The following TGFBI variants were observed in gnomAD, a reference collection of about 807,000 sequenced individuals.
The protein encoded by TGFBI is transforming growth factor-beta-induced protein ig-h3.
Under a neutral mutation model 73.7 loss-of-function variants are expected in TGFBI, and 50 were observed. The ratio of observed to expected loss-of-function variants is 0.68; its 90% CI spans 0.54 to 0.86. The LOEUF (loss-of-function observed/expected upper bound fraction) is 0.86, where lower values mean the gene tolerates loss of function less well. Ranked by LOEUF, TGFBI falls within the 40% of genes least tolerant of loss-of-function variation. TGFBI has a pLI of 0.00. For missense variants in TGFBI, 839 were observed against 877.0 expected (o/e 0.96, Z 0.55); for synonymous variants, 362 against 360.5 (o/e 1.00, Z -0.05).
At chr5:136,056,601 C>A (rs1018425770) in intron 11 of TGFBI, 64 bp from the exon 12 acceptor site, 5 of 1,604,478 alleles carry the variant, frequency 3.1e-6, no homozygotes, top group Non-Finnish European at 4.3e-6. Flanking sequence ...TACCTCTCAG[C>A]GTGGTGAGGT....
At chr5:136,039,853 C>A (rs1478009771) in intron 2 of TGFBI, among the ~76,000 whole-genome samples, 1 of 152,166 alleles carries the variant, frequency 6.6e-6, no homozygotes, top group Non-Finnish European at 1.5e-5. Context: ...TTTCCAAGAC[C>A]AGGAGGGCAG....
rs555953015 is a variant in TGFBI, at chr5:136,054,010, C to T, written c.1194C>T (p.Ala398=). The change falls in exon 9 of 17, where the codon GCC becomes GCT. Residue 398 remains alanine (A), a synonymous_variant. Transcript: ENST00000442011. Reference sequence around the variant, plus strand: ...CAGCCATTGACCTTTTCAGACAAGCCGGCCTCGGCAATCATCTCTCTGGAA... The same window carrying T: ...CAGCCATTGACCTTTTCAGACAAGCTGGCCTCGGCAATCATCTCTCTGGAA... The part of the protein sequence containing the change: ...VSTAIDLFRQ[A]GLGNHLSGSE... 1.9e-5 allele frequency: 30 copies of T among 1,614,030 alleles called. No homozygotes were observed. The highest frequency in any genetic ancestry group is 9.3e-5 in the African/African-American group (7 of 75,060).
intron 1 of TGFBI, among the ~76,000 whole-genome samples, chr5:136,031,818 A>G (rs1001692134): frequency 2.0e-5 from 3 of 152,114 alleles, no homozygotes; most frequent in African/African-American, 7.2e-5. Flanking sequence ...TGAACTTCCT[A>G]TGTACACAGC....
chr5:136,036,885 G>A (rs900861619), intron 2 of TGFBI, among the ~76,000 whole-genome samples: 3 of 152,158 alleles, frequency 2.0e-5, no homozygotes, highest in Non-Finnish European at 4.4e-5. Context: ...TCATGGGGGA[G>A]GAGGCAGCTC....
At chr5:136,044,246 CCCCACGTG>C in intron 3 of TGFBI, 124 bp downstream of exon 3, 1 of 799,594 alleles carries the variant, frequency 1.3e-6, no homozygotes, top group Non-Finnish European at 2.1e-6. Flanking sequence ...ATGGCATTCT[CCCCACGTG>C]CCCACTGGCC....
intron 7 of TGFBI, among the ~76,000 whole-genome samples, chr5:136,051,731 A>C (rs773412039): frequency 3.3e-5 from 5 of 152,060 alleles, no homozygotes; most frequent in Non-Finnish European, 7.4e-5. Flanking sequence ...GGCCCTGCTC[A>C]CCCTCCAAGT....
At chr5:136,049,647 G>T (rs1751498500) in intron 7 of TGFBI, 67 bp downstream of exon 7, 1 of 1,542,134 alleles carries the variant, frequency 6.5e-7, no homozygotes, top group African/African-American at 1.4e-5. Context: ...GACCTGCTCT[G>T]GTCCAAGATG....
At chr5:136,031,630 G>A (rs1209101009) in intron 1 of TGFBI, among the ~76,000 whole-genome samples, 2 of 152,156 alleles carry the variant, frequency 1.3e-5, no homozygotes, top group Non-Finnish European at 2.9e-5. Flanking sequence ...TGTTGCTATA[G>A]GGAAGGGGAA....
Position 136,063,417 on chromosome 5 carries a change from C to A in TGFBI, c.*191C>A. On this transcript the variant is annotated 3_prime_UTR_variant, in exon 17 of 17. Coordinates refer to ENST00000442011, the MANE Select transcript of TGFBI (RefSeq NM_000358.3). The stretch of plus-strand genomic sequence containing the variant: ...GAGATGTACTTTTTAAATCATGTTC[C>A]CCCTAAACATGGCTGTTAACCCACT... The A allele has an allele frequency of 1.7e-6, 1 of 594,444 alleles. No individual in the cohort carries two copies. The highest frequency in any genetic ancestry group is 3.0e-6 in the Non-Finnish European group (1 of 333,858). 36.8% of individuals were successfully genotyped at this position (594,444 alleles called of 1,614,324 possible).
At chr5:136,032,293 TC>T (rs1751134859) in intron 1 of TGFBI, among the ~76,000 whole-genome samples, 1 of 152,148 alleles carries the variant, frequency 6.6e-6, no homozygotes. Flanking sequence ...ATGCTCATTG[TC>T]CCTCCTGGGC....
At chr5:136,047,044 C>T (rs921696210) in intron 5 of TGFBI, 29 bp downstream of exon 5, 2 of 1,606,724 alleles carry the variant, frequency 1.2e-6, no homozygotes, top group African/African-American at 1.3e-5. Context: ...TACTGCATGG[C>T]CCTTGGTGCA....
chr5:136,056,111 A>G (rs2126914968), intron 11 of TGFBI, among the ~76,000 whole-genome samples: 1 of 152,288 alleles, frequency 6.6e-6, no homozygotes, highest in Non-Finnish European at 1.5e-5. Flanking sequence ...TCTCATTGTA[A>G]AGCTCCAAGT....
At position 136,060,934 on chromosome 5, in the gene TGFBI, CAG is replaced by C. The variant is rs1351859361; in HGVS notation, c.1905_1906del (p.Ala636GlnfsTer9). 3 of 1,565,244 alleles carry C rather than the reference CAG, an allele frequency of 1.9e-6. No individual in the cohort carries two copies. The highest frequency in any genetic ancestry group is 2.6e-6 in the Non-Finnish European group (3 of 1,149,300). The stretch of plus-strand genomic sequence containing the variant: ...GTCATCACCAATGTTCTGCAGCCTC[CAG>C]GTAAGTGTCGCATCCCCACTGACTC... On this transcript the variant is annotated frameshift_variant and splice_region_variant, in exon 14 of 17. Coordinates refer to ENST00000442011, the MANE Select transcript of TGFBI (RefSeq NM_000358.3). LOFTEE classifies it high-confidence loss of function.
chr5:136,030,773 G>T (rs1283823586), intron 1 of TGFBI, among the ~76,000 whole-genome samples: 1 of 152,126 alleles, frequency 6.6e-6, no homozygotes, highest in Non-Finnish European at 1.5e-5. Flanking sequence ...GCCTAGGAGG[G>T]TTCTATTTCT....
rs756136153 is a variant in TGFBI at position 136,056,714 on chromosome 5, C to A, written c.1597C>A (p.Arg533=). The part of the protein sequence containing the change: ...QSAGLTETLN[R]EGVYTVFAPT... Reference sequence around the variant, plus strand: ...TGCAGGACTGACGGAGACCCTCAACCGGGAAGGAGTCTACACAGTCTTTGC... The same window carrying A: ...TGCAGGACTGACGGAGACCCTCAACAGGGAAGGAGTCTACACAGTCTTTGC... Residue 533 remains arginine, a synonymous_variant, in exon 12 of 17, where the codon CGG becomes AGG. Coordinates refer to ENST00000442011, the MANE Select transcript of TGFBI (RefSeq NM_000358.3). 1.9e-6 allele frequency: 3 copies of A among 1,613,836 alleles called. No homozygotes were observed. Among genetic ancestry groups the A allele is most frequent in the Non-Finnish European group, 2.5e-6 (3 of 1,179,866 alleles).
At chr5:136,046,253 C>T (rs1013537294) in intron 3 of TGFBI, 82 bp from the exon 4 acceptor site, 9 of 1,538,258 alleles carry the variant, frequency 5.9e-6, no homozygotes, top group African/African-American at 1.4e-5. Context: ...GTAGATGTAC[C>T]GTGCTCTCTG....
intron 11 of TGFBI, among the ~76,000 whole-genome samples, chr5:136,056,077 T>A (rs1213864477): frequency 6.6e-6 from 1 of 152,168 alleles, no homozygotes; most frequent in Non-Finnish European, 1.5e-5. Flanking sequence ...TTTTTATGAC[T>A]GAAGTGCAAG....
rs745951543 is a variant in TGFBI at position 136,046,895 on chromosome 5, C to T, written c.504C>T (p.Leu168=). The T allele has an allele frequency of 6.2e-7, 1 of 1,613,654 alleles. No homozygotes were observed. The highest frequency in any genetic ancestry group is 8.5e-7 in the Non-Finnish European group (1 of 1,179,814). The change falls in exon 5 of 17, where the codon CTC becomes CTT. Residue 168 remains leucine, a synonymous_variant. Coordinates refer to ENST00000442011, the MANE Select transcript of TGFBI (RefSeq NM_000358.3). ...SLVSNVNIEL[L]NALRYHMVGR... Reference sequence around the variant, plus strand: ...TCAGCAATGTCAACATTGAGCTGCTCAATGCCCTCCGCTACCATATGGTGG... The same window carrying T: ...TCAGCAATGTCAACATTGAGCTGCTTAATGCCCTCCGCTACCATATGGTGG...
chr5:136,040,801 C>G lies in TGFBI; in HGVS notation c.234-3257C>G, dbSNP rs544610963. ...GAACTGGGGGGCTATGGCTGGGAAG[C>G]CCCCTATTGTTTCCATCCTTTCCTA... On this transcript the variant is annotated intron_variant, in intron 2 of 16. Transcript: ENST00000442011. Among the ~76,000 whole-genome samples the G allele has an allele frequency of 4.6e-5, 7 of 152,306 alleles. No individual in the cohort carries two copies. In the South Asian group the frequency reaches 1.5e-3, roughly 32 times the overall value.
Sources: gnomAD v4.1 joint callset for allele counts (sites outside exome capture counted in the v4.1 genomes callset) on GRCh38, gnomAD v4.1.1 for gene constraint, MANE v1.5 for transcripts, NCBI Gene and HGNC (gene_info 2026-07-23, HGNC 2026-07-21) for gene names.